The following CACNA1E variants were observed in gnomAD, a reference collection of about 807,000 sequenced individuals.
The protein encoded by CACNA1E is calcium voltage-gated channel subunit alpha1 E.
In CACNA1E, 40 loss-of-function variants were observed where a neutral mutation model predicts 259.2. That is an observed-to-expected ratio of 0.15 (90% CI 0.12 to 0.20). The LOEUF (loss-of-function observed/expected upper bound fraction) is 0.20. Among genes scored for constraint, CACNA1E ranks in the 10% least tolerant of loss-of-function variants. The pLI is 1.00. For synonymous variants in CACNA1E, 1,104 were observed against 1,138.5 expected, an observed-to-expected ratio of 0.97 and a Z score of 0.61; for missense variants, 1,874 against 3,040.1, an observed-to-expected ratio of 0.62 and a Z score of 9.02.
intron 2 of CACNA1E, among the ~76,000 whole-genome samples, chr1:181,461,949 C>T (rs1358132230): frequency 6.6e-6 from 1 of 152,040 alleles, no homozygotes; most frequent in East Asian, 1.9e-4. Flanking sequence ...TGTATATTCA[C>T]ACACATACAT....
intron 7 of CACNA1E, among the ~76,000 whole-genome samples, chr1:181,663,910 A>G (rs1647936159): frequency 6.6e-6 from 1 of 152,170 alleles, no homozygotes; most frequent in South Asian, 2.1e-4. Flanking sequence ...AACCTTTTAT[A>G]TCATATGTGG....
chr1:181,758,114 G>T lies in CACNA1E; in HGVS notation c.4494+3G>T. On this transcript the variant is annotated splice_donor_region_variant and intron_variant, in intron 31 of 47. Transcript: ENST00000367573. The surrounding 1 kb of genome is among the most constrained non-coding windows in gnomAD (Gnocchi z 4.2). Reference sequence around the variant, plus strand: ...ATACTGTTGTGCTGATGATGAAGGTGAGAGGAGAGAGGCACAAGAGCCGAC... The same window carrying T: ...ATACTGTTGTGCTGATGATGAAGGTTAGAGGAGAGAGGCACAAGAGCCGAC... The T allele has an allele frequency of 6.2e-7, 1 of 1,612,682 alleles. No individual in the cohort carries two copies. Among genetic ancestry groups the T allele is most frequent in the Non-Finnish European group, 8.5e-7 (1 of 1,179,270 alleles).
chr1:181,568,693 TTG>T (rs2102924719), intron 3 of CACNA1E, among the ~76,000 whole-genome samples: 1 of 152,172 alleles, frequency 6.6e-6, no homozygotes, highest in African/African-American at 2.4e-5. Flanking sequence ...TCTCCTGGGG[TTG>T]TGATTCTCCC....
At chr1:181,549,729 G>A (rs1482978448) in intron 3 of CACNA1E, among the ~76,000 whole-genome samples, 2 of 152,162 alleles carry the variant, frequency 1.3e-5, no homozygotes, top group Non-Finnish European at 2.9e-5. Context: ...GGGTGGGGCT[G>A]GGAAGAAAGC....
At chr1:181,766,659 T>C in intron 35 of CACNA1E, 48 bp downstream of exon 35, 2 of 1,406,968 alleles carry the variant, frequency 1.4e-6, no homozygotes, top group Non-Finnish European at 2.0e-6. Context: ...GTTACCCAGA[T>C]AATCTCTGGC....
intron 6 of CACNA1E, among the ~76,000 whole-genome samples, chr1:181,635,100 T>A (rs1399584311): frequency 6.6e-6 from 1 of 152,258 alleles, no homozygotes; most frequent in Admixed American, 6.5e-5. Flanking sequence ...AACAGCTTTC[T>A]TCTACCTTTA....
intron 18 of CACNA1E, among the ~76,000 whole-genome samples, chr1:181,727,764 C>T (rs939977614): frequency 1.3e-5 from 2 of 152,076 alleles, no homozygotes; most frequent in Non-Finnish European, 2.9e-5. Flanking sequence ...TGGGAGGGTC[C>T]GAGACCCCCA....
intron 3 of CACNA1E, among the ~76,000 whole-genome samples, chr1:181,564,546 A>G (rs1649631695): frequency 6.6e-6 from 1 of 152,224 alleles, no homozygotes; most frequent in South Asian, 2.1e-4. Flanking sequence ...AAAGTCATAC[A>G]TAAGAGTTGG....
chr1:181,382,785 C>G (rs1655547872), intron 1 of CACNA1E, among the ~76,000 whole-genome samples: 1 of 152,168 alleles, frequency 6.6e-6, no homozygotes, highest in Admixed American at 6.5e-5. Context: ...CTTGACCCAA[C>G]CTTTAGCTCA....
rs35611740 is a variant in CACNA1E at position 181,790,478 on chromosome 1, A to C, written c.5820A>C (p.Pro1940=). ...SGRSGYPSMS[P]LSPQDIFQLA... is the part of the protein sequence containing the mutation. Reference sequence around the variant, plus strand: ...GGAGTGGATACCCTTCGATGAGTCCACTCTCTCCCCAGGATATATTCCAGT... The same window carrying C: ...GGAGTGGATACCCTTCGATGAGTCCCCTCTCTCCCCAGGATATATTCCAGT... The change falls in exon 44 of 48, where the codon CCA becomes CCC. Residue 1940 remains proline (P), a synonymous_variant. Transcript: ENST00000367573. 0.017 allele frequency: 27,981 copies of C among 1,611,970 alleles called. 327 individuals carry two copies. Among genetic ancestry groups the C allele is most frequent in the Non-Finnish European group, 0.021 (24,686 of 1,178,716 alleles).
chr1:181,595,867 C>T (rs74721645), intron 6 of CACNA1E, among the ~76,000 whole-genome samples: 1 of 152,292 alleles, frequency 6.6e-6, no homozygotes, highest in African/African-American at 2.4e-5. Context: ...ATCAGCACAC[C>T]ATGCCTGGGA....
At chr1:181,421,444 G>C (rs1380493436) in intron 2 of CACNA1E, among the ~76,000 whole-genome samples, 1 of 152,134 alleles carries the variant, frequency 6.6e-6, no homozygotes, top group African/African-American at 2.4e-5. Flanking sequence ...GACCTCACCA[G>C]GTCCACATAT....
Position 181,388,277 on chromosome 1 carries a change from C to T in CACNA1E, c.-14-24856C>T, listed in dbSNP as rs543591354. 5.6e-4 allele frequency among the ~76,000 whole-genome samples: 85 copies of T among 152,248 alleles called. 1 individual carries two copies. The highest frequency in any genetic ancestry group is 1.8e-3 in the African/African-American group (73 of 41,544). The stretch of plus-strand genomic sequence containing the variant: ...CTGCGGTAACGTTCTAGAAGGTCGC[C>T]GTGAGCCCTCAATTAGCCAATGCTG... On this transcript the variant is annotated intron_variant, in intron 1 of 11. Transcript: ENST00000524607.
At chr1:181,646,976 C>T (rs1206604796) in intron 6 of CACNA1E, among the ~76,000 whole-genome samples, 1 of 152,116 alleles carries the variant, frequency 6.6e-6, no homozygotes, top group East Asian at 1.9e-4. Context: ...CCTCGTCGTG[C>T]ACACGTGTGC....
At chr1:181,651,837 C>G (rs1419703764) in intron 7 of CACNA1E, 1 of 157,184 alleles carries the variant, frequency 6.4e-6, no homozygotes. Context: ...TTTTGGGGAT[C>G]AAGTCTCATA....
At chr1:181,733,309 G>C in intron 20 of CACNA1E, 128 bp from the exon 21 acceptor site, 5 of 848,218 alleles carry the variant, frequency 5.9e-6, no homozygotes, top group Non-Finnish European at 8.9e-6. Flanking sequence ...TCTGGTTGGG[G>C]TGGAAGGCAG....
intron 25 of CACNA1E, among the ~76,000 whole-genome samples, chr1:181,744,370 G>A (rs112712167): frequency 6.6e-5 from 10 of 152,288 alleles, no homozygotes; most frequent in South Asian, 2.1e-4. Context: ...TAACCCCAAC[G>A]AGTCGGGAGG....
At chr1:181,424,137 C>T (rs1658979272) in intron 2 of CACNA1E, among the ~76,000 whole-genome samples, 1 of 152,186 alleles carries the variant, frequency 6.6e-6, no homozygotes, top group South Asian at 2.1e-4. Context: ...GCCTTCAACA[C>T]ACTGGGTTAT....
At chr1:181,728,870 TTGCTCGGGTGTGTGTGCCC>T (rs1655178517) in intron 18 of CACNA1E, among the ~76,000 whole-genome samples, 1 of 135,852 alleles carries the variant, frequency 7.4e-6, no homozygotes, top group South Asian at 2.6e-4. Context: ...TGTGTGCATT[TTGCTCGGGTGTGTGTGCCC>T]TGCTCAGCTG....
Sources: allele counts gnomAD v4.1 joint callset (sites outside exome capture counted in the v4.1 genomes callset), GRCh38; gene constraint gnomAD v4.1.1; non-coding constraint Gnocchi (gnomAD v3.1); transcripts MANE v1.5; gene names NCBI Gene and HGNC (gene_info 2026-07-23, HGNC 2026-07-21).